The following FXR1 variants were observed in gnomAD, a reference collection of about 807,000 sequenced individuals.
The protein encoded by FXR1 is FMR1 autosomal homolog 1.
A neutral mutation model predicts 84.0 loss-of-function variants in FXR1; 15 were observed. The ratio of observed to expected loss-of-function variants is 0.18; its 90% CI spans 0.12 to 0.27. The LOEUF (loss-of-function observed/expected upper bound fraction) is 0.27, where lower values mean the gene tolerates loss of function less well. FXR1 is among the 10% of genes least tolerant of loss of function. The pLI is 1.00. For missense variants in FXR1, 480 were observed against 774.4 expected, an observed-to-expected ratio of 0.62 and a Z score of 4.51; for synonymous variants, 245 against 250.7, an observed-to-expected ratio of 0.98 and a Z score of 0.21.
At position 180,970,103 on chromosome 3, in the gene FXR1, A is replaced by T. The variant is rs968574410; in HGVS notation, c.1403-55A>T. The T allele has an allele frequency of 3.7e-5, 34 of 911,940 alleles. No individual in the cohort carries two copies. The Middle Eastern group carries it at 6.5e-4, about 17-fold the overall frequency. The allele number at this position is 911,940 out of a possible 1,614,324, so 56.5% of individuals were successfully genotyped here. ...TGATATAGTTCAATATAGATCAAAC[A>T]TTCATAATTGCAGTACTCTTAAACG... is the stretch of plus-strand genomic sequence containing the variant. On this transcript the variant is annotated intron_variant, in intron 14 of 16. Coordinates refer to ENST00000357559, the MANE Select transcript of FXR1 (RefSeq NM_005087.4).
rs569969208 is a variant in FXR1 at position 180,923,950 on chromosome 3, T to C, written c.52-9384T>C. 9.7e-4 allele frequency among the ~76,000 whole-genome samples: 147 copies of C among 152,126 alleles called. 1 individual carries two copies. The highest frequency in any genetic ancestry group is 1.2e-3 in the South Asian group (6 of 4,806). ...CAGATCTGGGAGACAAGTCAGACTTTTGCAGCTTGAGTTTCTGTTTTTTTT... is the reference window on the plus strand; with the variant it reads ...CAGATCTGGGAGACAAGTCAGACTTCTGCAGCTTGAGTTTCTGTTTTTTTT... On this transcript the variant is annotated intron_variant, in intron 1 of 16. Transcript: ENST00000357559.
At chr3:180,919,655 T>C (rs1343463746) in intron 1 of FXR1, among the ~76,000 whole-genome samples, 2 of 150,724 alleles carry the variant, frequency 1.3e-5, no homozygotes, top group Admixed American at 6.7e-5. Flanking sequence ...TTGAAATTAA[T>C]ATTATCTATT....
At chr3:180,964,612 C>G (rs1172706935) in intron 13 of FXR1, among the ~76,000 whole-genome samples, 2 of 149,486 alleles carry the variant, frequency 1.3e-5, no homozygotes, top group African/African-American at 5.0e-5. Context: ...GCAAGAAAAA[C>G]CATTTGAATT....
At chr3:180,967,614 A>G (rs1044861700) in intron 13 of FXR1, among the ~76,000 whole-genome samples, 13 of 147,724 alleles carry the variant, frequency 8.8e-5, no homozygotes, top group African/African-American at 2.8e-4. Flanking sequence ...TGTTCTGTAT[A>G]TTTTCTGTAA....
At position 180,949,359 on chromosome 3, in the gene FXR1, T is replaced by C; in HGVS notation, c.630+16T>C. 1 of 1,122,846 alleles carries C rather than the reference T, an allele frequency of 8.9e-7. No individual in the cohort carries two copies. Among genetic ancestry groups the C allele is most frequent in the Non-Finnish European group, 1.4e-6 (1 of 731,066 alleles). The allele number at this position is 1,122,846 out of a possible 1,614,324, so 69.6% of individuals were successfully genotyped here. ...GCATTTAGAAGTAAGTGGGTTTACTTACAAAAGAGTTTTCTGTGTCCCATT... is the reference window on the plus strand; with the variant it reads ...GCATTTAGAAGTAAGTGGGTTTACTCACAAAAGAGTTTTCTGTGTCCCATT... On this transcript the variant is annotated intron_variant, in intron 7 of 16. Coordinates refer to ENST00000357559, the MANE Select transcript of FXR1 (RefSeq NM_005087.4).
At chr3:180,958,057 ATAT>A (rs1711558498) in intron 10 of FXR1, 129 bp downstream of exon 10, 3 of 453,608 alleles carry the variant, frequency 6.6e-6, no homozygotes, top group South Asian at 1.2e-4. Flanking sequence ...TGTTTTTATA[ATAT>A]TATTTCATAC....
chr3:180,935,862 C>G (rs532971687), intron 3 of FXR1, among the ~76,000 whole-genome samples: 1 of 152,142 alleles, frequency 6.6e-6, no homozygotes, highest in Admixed American at 6.5e-5. Flanking sequence ...CGTGAGCCAC[C>G]GTGCCCGGCC....
At chr3:180,915,748 G>A (rs887103749) in intron 1 of FXR1, 8 of 666,796 alleles carry the variant, frequency 1.2e-5, no homozygotes, top group Non-Finnish European at 1.9e-5. Flanking sequence ...CATGCCTTGA[G>A]GCAGTACTCT....
At chr3:180,947,973 TAAGG>T in intron 4 of FXR1, 37 bp downstream of exon 4, 2 of 1,204,138 alleles carry the variant, frequency 1.7e-6, no homozygotes, top group South Asian at 2.6e-5. Context: ...GACTAGTTTC[TAAGG>T]AAGTACCTCA....
rs138221300 is a variant in FXR1 at position 180,949,373 on chromosome 3, C to T, written c.630+30C>T. ...GTGGGTTTACTTACAAAAGAGTTTT[C>T]TGTGTCCCATTTAGTTTTTGTTTGT... On this transcript the variant is annotated intron_variant, in intron 7 of 16. Transcript: ENST00000357559. 656 of 1,009,758 alleles carry T rather than the reference C, an allele frequency of 6.5e-4. 13 individuals carry two copies. The East Asian group carries it at 0.015, about 23-fold the overall frequency. The allele number at this position is 1,009,758 out of a possible 1,614,324, so 62.5% of individuals were successfully genotyped here.
intron 1 of FXR1, among the ~76,000 whole-genome samples, chr3:180,913,061 C>G (rs909670744): frequency 6.6e-6 from 1 of 151,924 alleles, no homozygotes; most frequent in South Asian, 2.1e-4. Context: ...CGGAGCAGGC[C>G]CGAGCTCTGG....
chr3:180,951,337 G>A lies in FXR1; in HGVS notation c.670G>A (p.Val224Ile), dbSNP rs1722215609. The change falls in exon 8 of 17, where the codon GTT becomes ATT. Residue 224 changes from valine to isoleucine, a missense_variant. Physicochemically the swap from Val to Ile is conservative, Grantham distance 29. Around this residue, in one of 6 missense-constraint regions of FXR1, gnomAD observed 136 missense variants for 315.4 expected, o/e 0.43. Transcript: ENST00000357559. ...QLAAAFHEEF[V>I]VREDLMGLAI... ...TGCAGCAGCTTTTCATGAGGAATTT[G>A]TTGTGAGAGAAGATTTAATGGGCCT... 1 of 1,609,356 alleles carries A rather than the reference G, an allele frequency of 6.2e-7. No homozygotes were observed. The highest frequency in any genetic ancestry group is 2.2e-5 in the East Asian group (1 of 44,626).
intron 16 of FXR1, 58 bp from the exon 17 acceptor site, chr3:180,976,064 C>T (rs1015466968): frequency 2.6e-5 from 35 of 1,334,452 alleles, no homozygotes; most frequent in East Asian, 9.6e-5. Flanking sequence ...AGCTGTTTTC[C>T]TCCTCAGCTA....
At chr3:180,930,906 G>A (rs759993321) in intron 1 of FXR1, among the ~76,000 whole-genome samples, 1 of 151,468 alleles carries the variant, frequency 6.6e-6, no homozygotes, top group Non-Finnish European at 1.5e-5. Context: ...GTGTGGTGGT[G>A]TAGTCCCAGC....
rs530959107 is a variant in FXR1, at chr3:180,913,508, G to GGTTTT, written c.51+788_51+792dup. On this transcript the variant is annotated intron_variant, in intron 1 of 16. Coordinates refer to ENST00000357559, the MANE Select transcript of FXR1 (RefSeq NM_005087.4). ...ATCACTGCCCCTGTTTTTGGAGGGA[G>GGTTTT]GTTTTGTTTTGTTTTGTTTTTTCTC... 3.9e-3 allele frequency among the ~76,000 whole-genome samples: 598 copies of GGTTTT among 152,184 alleles called. 4 individuals are homozygous for GGTTTT. The highest frequency in any genetic ancestry group is 0.013 in the African/African-American group (546 of 41,506).
At chr3:180,931,508 T>C (rs1452219813) in intron 1 of FXR1, among the ~76,000 whole-genome samples, 1 of 152,112 alleles carries the variant, frequency 6.6e-6, no homozygotes, top group African/African-American at 2.4e-5. Context: ...CGTGAGTCAC[T>C]GCACCGGGCC....
chr3:180,943,194 T>G (rs1298525156), intron 3 of FXR1, among the ~76,000 whole-genome samples: 1 of 150,152 alleles, frequency 6.7e-6, no homozygotes, highest in East Asian at 2.0e-4. Context: ...CTCAAACTCC[T>G]GACCTCAGGT....
rs1238214549 is a variant in FXR1, at chr3:180,968,033, G to A, written c.1199-18G>A. The A allele has an allele frequency of 2.6e-6, 4 of 1,531,590 alleles. No individual in the cohort carries two copies. Among genetic ancestry groups the A allele is most frequent in the Non-Finnish European group, 3.6e-6 (4 of 1,105,760 alleles). The allele number at this position is 1,531,590 out of a possible 1,614,324, so 94.9% of individuals were successfully genotyped here. A position where few individuals can be genotyped will look rare whatever the true frequency, so the allele number is the denominator to read the frequency against. On this transcript the variant is annotated intron_variant, in intron 13 of 16. Transcript: ENST00000357559. The stretch of plus-strand genomic sequence containing the variant: ...TTTTATAGAAATCTAAGTGGTTTAT[G>A]TTCTTTTCTTTTCCAAGGTACAAAT...
intron 9 of FXR1, among the ~76,000 whole-genome samples, chr3:180,955,078 T>C (rs1287539615): frequency 6.7e-6 from 1 of 150,214 alleles, no homozygotes; most frequent in Non-Finnish European, 1.5e-5. Flanking sequence ...CACTGCAACC[T>C]CTGCCTCCTG....
Sources: gnomAD v4.1 joint callset for allele counts (sites outside exome capture counted in the v4.1 genomes callset) on GRCh38, gnomAD v4.1.1 for gene constraint, gnomAD v4.1.1 regional missense constraint, MANE v1.5 for transcripts, NCBI Gene and HGNC (gene_info 2026-07-23, HGNC 2026-07-21) for gene names.